The following CALD1 variants were observed in gnomAD, a reference collection of about 807,000 sequenced individuals.
CALD1 encodes caldesmon.
In CALD1, 33 loss-of-function variants were observed where a neutral mutation model predicts 99.9. That is an observed-to-expected ratio of 0.33 (90% CI 0.25 to 0.44). The LOEUF is 0.44. Ranked by LOEUF, CALD1 falls within the 20% of genes least tolerant of loss-of-function variation. CALD1 has a pLI of 1.00. For synonymous variants in CALD1, 310 were observed against 325.0 expected (o/e 0.95, Z 0.50); for missense variants, 861 against 962.1 (o/e 0.89, Z 1.39).
chr7:134,962,899 C>T (rs778359932), intron 13 of CALD1: 13 of 456,482 alleles, frequency 2.8e-5, no homozygotes, highest in South Asian at 7.7e-5. Context: ...CCTCTTCTTC[C>T]GGAGTGGGTC....
intron 1 of CALD1, among the ~76,000 whole-genome samples, chr7:134,753,033 CAA>C (rs11312377): frequency 2.6e-4 from 35 of 135,756 alleles, no homozygotes; most frequent in East Asian, 1.3e-3. Context: ...CAAAAAAAAA[CAA>C]AAAAAAAAAA....
intron 3 of CALD1, chr7:134,920,561 C>T (rs551570990): frequency 7.9e-7 from 1 of 1,273,766 alleles, no homozygotes; most frequent in Admixed American, 2.4e-5. Context: ...AAGCTGGGGA[C>T]AGAATAGTGT....
chr7:134,899,446 G>A (rs1802821940), intron 3 of CALD1, among the ~76,000 whole-genome samples: 1 of 152,014 alleles, frequency 6.6e-6, no homozygotes, highest in East Asian at 1.9e-4. Context: ...CAGGTGATCC[G>A]CCCGCCTGGC....
the CALD1 span, among the ~76,000 whole-genome samples, chr7:134,717,059 C>T: frequency 6.6e-5 from 10 of 152,200 alleles, no homozygotes; most frequent in African/African-American, 1.4e-4. Context: ...ATTTTTAGGA[C>T]GGTATATTTT....
intron 9 of CALD1, among the ~76,000 whole-genome samples, chr7:134,953,169 C>T (rs766468983): frequency 3.3e-5 from 5 of 151,526 alleles, no homozygotes; most frequent in African/African-American, 4.9e-5. Flanking sequence ...TTTTTTTAAC[C>T]GTTTAACAGT....
At chr7:134,737,470 TAC>T in the CALD1 span, among the ~76,000 whole-genome samples, 1 of 152,342 alleles carries the variant, frequency 6.6e-6, no homozygotes, top group East Asian at 1.9e-4. Flanking sequence ...ATTTTATTTC[TAC>T]ACTTTCTATT....
intron 3 of CALD1, chr7:134,891,282 A>G: frequency 2.8e-6 from 2 of 710,202 alleles, no homozygotes; most frequent in Middle Eastern, 5.2e-4. Context: ...CCCAGCAATA[A>G]CATTTCTGGA....
intron 1 of CALD1, among the ~76,000 whole-genome samples, chr7:134,805,717 TC>T (rs1274988594): frequency 6.6e-6 from 1 of 152,138 alleles, no homozygotes; most frequent in African/African-American, 2.4e-5. Context: ...TTATCTTTCT[TC>T]CCATGGCAAT....
chr7:134,947,680 A>C lies in CALD1; in HGVS notation c.1705A>C (p.Lys569Gln). 6.2e-7 allele frequency: 1 copy of C among 1,603,190 alleles called. No individual in the cohort carries two copies. Among genetic ancestry groups the C allele is most frequent in the Non-Finnish European group, 8.5e-7 (1 of 1,174,232 alleles). Reference protein sequence around the residue: ...QEAALELEELKKKREERRKVL... With the variant: ...QEAALELEELQKKREERRKVL... ...GGCGGCTTTGGAGCTGGAGGAACTC[A>C]AGAAAAAGAGGGAGGAGAGAAGGAA... The change falls in exon 8 of 15, where the codon AAG (lysine) becomes CAG (glutamine). Residue 569 changes from lysine (K) to glutamine (Q), a missense_variant. Around this residue, in one of 5 missense-constraint regions of CALD1, gnomAD observed 293 missense variants for 262.7 expected, o/e 1.12. Transcript: ENST00000361675.
At chr7:134,942,636 G>A (rs1198601757) in intron 7 of CALD1, among the ~76,000 whole-genome samples, 1 of 152,172 alleles carries the variant, frequency 6.6e-6, no homozygotes, top group Admixed American at 6.5e-5. Flanking sequence ...TTGCTGAAGT[G>A]TCTGTAGTTT....
rs867865086 is a variant in CALD1, at chr7:134,866,327, T to C, written c.-41-1366T>C. Among the ~76,000 whole-genome samples the C allele has an allele frequency of 5.3e-5, 8 of 152,230 alleles. No homozygotes were observed. In the South Asian group the frequency reaches 1.5e-3, roughly 28 times the overall value. On this transcript the variant is annotated intron_variant, in intron 2 of 14. Transcript: ENST00000361675. Reference sequence around the variant, plus strand: ...CTAGCAAAGCCTAGGGAAGTACTCTTGGTAAGAGTAAGATAGATAAACATC... The same window carrying C: ...CTAGCAAAGCCTAGGGAAGTACTCTCGGTAAGAGTAAGATAGATAAACATC...
At chr7:134,761,062 A>C (rs1309163053) in intron 1 of CALD1, among the ~76,000 whole-genome samples, 2 of 152,212 alleles carry the variant, frequency 1.3e-5, no homozygotes, top group East Asian at 1.9e-4. Context: ...GAGAAATGCT[A>C]GACAAATGAT....
intron 2 of CALD1, chr7:134,844,208 A>G (rs541613616): frequency 7.5e-4 from 111 of 147,752 alleles, no homozygotes; most frequent in African/African-American, 2.6e-3. Flanking sequence ...TTTTTGCTTT[A>G]TTTTTAAATG....
At chr7:134,875,788 T>C (rs1801320147) in intron 3 of CALD1, among the ~76,000 whole-genome samples, 1 of 152,204 alleles carries the variant, frequency 6.6e-6, no homozygotes, top group African/African-American at 2.4e-5. Flanking sequence ...CTTCTTCAGG[T>C]AAATTGCTTA....
intron 14 of CALD1, among the ~76,000 whole-genome samples, chr7:134,966,071 A>G (rs897486898): frequency 2.0e-5 from 3 of 152,196 alleles, no homozygotes; most frequent in Non-Finnish European, 2.9e-5. Context: ...ATTTCAAGTA[A>G]TAGACCTCGT....
chr7:134,806,304 T>TC (rs1016073037), intron 1 of CALD1, among the ~76,000 whole-genome samples: 3 of 151,508 alleles, frequency 2.0e-5, no homozygotes, highest in African/African-American at 4.8e-5. Flanking sequence ...GGGGTTTTTC[T>TC]CCCCCCAGCC....
At position 134,968,390 on chromosome 7, in the gene CALD1, A is replaced by T. The variant is rs368697586; in HGVS notation, c.*45A>T. ...CAAGCTCAAGACGCAGGACGAGCTC[A>T]GTTGTAGAGGGCTAATTCGCTCTGT... On this transcript the variant is annotated 3_prime_UTR_variant, in exon 15 of 15. Coordinates refer to ENST00000361675, the MANE Select transcript of CALD1 (RefSeq NM_033138.4). 10 of 1,581,828 alleles carry T rather than the reference A, an allele frequency of 6.3e-6. No homozygotes were observed. The South Asian group carries it at 8.9e-5, about 14-fold the overall frequency.
chr7:134,955,610 C>G (rs1368996767), intron 9 of CALD1, among the ~76,000 whole-genome samples: 2 of 152,156 alleles, frequency 1.3e-5, no homozygotes, highest in Non-Finnish European at 2.9e-5. Flanking sequence ...GGAAAGAGAG[C>G]AAGTGAGCTC....
chr7:134,929,038 C>T (rs1805283768), intron 4 of CALD1, 138 bp downstream of exon 4: 5 of 723,290 alleles, frequency 6.9e-6, no homozygotes, highest in Admixed American at 6.6e-5. Context: ...ATTTTGCAGT[C>T]ATTTTAGGCA....
Sources: gnomAD v4.1 joint callset for allele counts (sites outside exome capture counted in the v4.1 genomes callset) on GRCh38, gnomAD v4.1.1 for gene constraint, gnomAD v4.1.1 regional missense constraint, MANE v1.5 for transcripts, NCBI Gene and HGNC (gene_info 2026-07-23, HGNC 2026-07-21) for gene names.